NEK1: variants seen among roughly 807,000 people sequenced by gnomAD.
NEK1 encodes the protein serine/threonine-protein kinase Nek1.
A neutral mutation model predicts 182.1 loss-of-function variants in NEK1; 137 were observed. That is an observed-to-expected ratio of 0.75 (90% CI 0.65 to 0.87). The LOEUF is 0.87. Among genes scored for constraint, NEK1 ranks in the 40% least tolerant of loss-of-function variants. The pLI is 0.00. For synonymous variants in NEK1, 513 were observed against 492.2 expected, an observed-to-expected ratio of 1.04 and a Z score of -0.56; for missense variants, 1,391 against 1,494.4, an observed-to-expected ratio of 0.93 and a Z score of 1.14.
intron 19 of NEK1, 61 bp from the exon 20 acceptor site, chr4:169,508,913 A>G: frequency 2.3e-6 from 3 of 1,329,812 alleles, no homozygotes; most frequent in Non-Finnish European, 3.1e-6. Flanking sequence ...TTATCTTACC[A>G]AGGAATATCC....
intron 19 of NEK1, among the ~76,000 whole-genome samples, chr4:169,512,875 T>C (rs1274720058): frequency 6.6e-6 from 1 of 152,140 alleles, no homozygotes; most frequent in East Asian, 1.9e-4. Context: ...GAATTGCTTT[T>C]ATGTGTTTGT....
At chr4:169,535,311 G>T (rs1457198283) in intron 19 of NEK1, among the ~76,000 whole-genome samples, 1 of 151,504 alleles carries the variant, frequency 6.6e-6, no homozygotes, top group Non-Finnish European at 1.5e-5. Flanking sequence ...CAACAAGAGC[G>T]AAAACTCTGT....
chr4:169,443,245 G>A (rs1350959198), intron 27 of NEK1, among the ~76,000 whole-genome samples: 1 of 151,936 alleles, frequency 6.6e-6, no homozygotes, highest in Non-Finnish European at 1.5e-5. Context: ...GAACCCAGGA[G>A]GTCAAGGCTG....
intron 12 of NEK1, among the ~76,000 whole-genome samples, chr4:169,572,186 G>A (rs1024876031): frequency 6.6e-6 from 1 of 152,182 alleles, no homozygotes; most frequent in Non-Finnish European, 1.5e-5. Flanking sequence ...AAAGCAGTTA[G>A]ACTAATCATG....
At chr4:169,466,479 TA>T (rs1744947825) in intron 26 of NEK1, among the ~76,000 whole-genome samples, 1 of 151,850 alleles carries the variant, frequency 6.6e-6, no homozygotes, top group Non-Finnish European at 1.5e-5. Context: ...TCATCACAAG[TA>T]ATGTGCATAA....
intron 29 of NEK1, among the ~76,000 whole-genome samples, chr4:169,431,153 G>C (rs1249023535): frequency 6.6e-6 from 1 of 152,008 alleles, no homozygotes; most frequent in Non-Finnish European, 1.5e-5. Context: ...AAAACAGAAG[G>C]ATGAGCCAAT....
intron 27 of NEK1, 57 bp downstream of exon 27, chr4:169,463,186 A>G: frequency 5.3e-6 from 5 of 949,238 alleles, no homozygotes; most frequent in African/African-American, 1.7e-5. Context: ...TAAAATACAT[A>G]ATTAGATTTT....
intron 35 of NEK1, among the ~76,000 whole-genome samples, chr4:169,397,023 G>C (rs1343596201): frequency 6.6e-6 from 1 of 152,082 alleles, no homozygotes; most frequent in Admixed American, 6.6e-5. Flanking sequence ...TTCAGGCCAG[G>C]AGTTTGAGAT....
chr4:169,423,157 C>T (rs193078142), intron 31 of NEK1, among the ~76,000 whole-genome samples: 1 of 152,290 alleles, frequency 6.6e-6, no homozygotes, highest in Admixed American at 6.5e-5. Flanking sequence ...GGCTGGAGTG[C>T]AATATTGCAA....
chr4:169,593,476 C>T (rs538646501), intron 5 of NEK1, among the ~76,000 whole-genome samples: 1 of 152,012 alleles, frequency 6.6e-6, no homozygotes, highest in African/African-American at 2.4e-5. Flanking sequence ...ACAGAAGGAG[C>T]GGCAACACAG....
Position 169,508,163 on chromosome 4 carries a change from C to T in NEK1, c.1833+85G>A, listed in dbSNP as rs188714645. On this transcript the variant is annotated intron_variant, in intron 21 of 35. Transcript: ENST00000507142. ...TCGTCATCAGTTTTGTTGTTGTTGT[C>T]GTTGTTGTTAATGGCACAGCATTTT... is the stretch of plus-strand genomic sequence containing the variant. 1.3e-3 allele frequency: 1,513 copies of T among 1,164,040 alleles called. 3 individuals are homozygous for T. The highest frequency in any genetic ancestry group is 1.7e-3 in the Non-Finnish European group (1,399 of 830,634). The allele number at this position is 1,164,040 out of a possible 1,614,324, so 72.1% of individuals were successfully genotyped here.
chr4:169,539,699 T>C (rs768866917), intron 18 of NEK1, among the ~76,000 whole-genome samples: 21 of 152,176 alleles, frequency 1.4e-4, no homozygotes, highest in Non-Finnish European at 2.6e-4. Flanking sequence ...CCTTCAGGTA[T>C]GATGCTCAGA....
chr4:169,571,895 A>T (rs1262986860), intron 12 of NEK1, among the ~76,000 whole-genome samples: 2 of 137,206 alleles, frequency 1.5e-5, no homozygotes, highest in Non-Finnish European at 3.1e-5. Context: ...TGCCCAGCTA[A>T]TTTTTTTTTT....
chr4:169,594,541 T>C (rs1769105101), intron 5 of NEK1, among the ~76,000 whole-genome samples: 1 of 152,234 alleles, frequency 6.6e-6, no homozygotes, highest in Non-Finnish European at 1.5e-5. Flanking sequence ...ATACTGATTT[T>C]ATCATTTGGT....
At chr4:169,569,117 ACAGAT>A (rs1764205475) in intron 12 of NEK1, among the ~76,000 whole-genome samples, 3 of 152,204 alleles carry the variant, frequency 2.0e-5, no homozygotes, top group Non-Finnish European at 2.9e-5. Flanking sequence ...GAAAAAAATT[ACAGAT>A]CAAAGTTATA....
chr4:169,452,059 G>A (rs867861814), intron 27 of NEK1, among the ~76,000 whole-genome samples: 5 of 151,152 alleles, frequency 3.3e-5, no homozygotes, highest in South Asian at 2.1e-4. Flanking sequence ...TCCTGGACAC[G>A]TACTTACATA....
chr4:169,477,716 T>C (rs766552990), intron 24 of NEK1, among the ~76,000 whole-genome samples: 1 of 151,988 alleles, frequency 6.6e-6, no homozygotes, highest in Non-Finnish European at 1.5e-5. Context: ...TTCTCAATTA[T>C]TTGTCATATT....
intron 12 of NEK1, among the ~76,000 whole-genome samples, chr4:169,565,520 G>A (rs958479140): frequency 1.3e-5 from 2 of 152,068 alleles, no homozygotes; most frequent in African/African-American, 4.8e-5. Flanking sequence ...AACATTTCAA[G>A]GTATGTTCTA....
chr4:169,547,539 G>A (rs1760712958), intron 18 of NEK1, among the ~76,000 whole-genome samples: 1 of 152,106 alleles, frequency 6.6e-6, no homozygotes, highest in Non-Finnish European at 1.5e-5. Flanking sequence ...GGTTGCAGAA[G>A]TTCTCCTGGA....
Sources: gnomAD v4.1 joint callset for allele counts (sites outside exome capture counted in the v4.1 genomes callset) on GRCh38, gnomAD v4.1.1 for gene constraint, MANE v1.5 for transcripts, NCBI Gene and HGNC (gene_info 2026-07-23, HGNC 2026-07-21) for gene names.